The following PKP2 variants were observed in gnomAD, a reference collection of about 807,000 sequenced individuals.
PKP2 encodes the protein plakophilin-2.
A neutral mutation model predicts 83.4 loss-of-function variants in PKP2; 73 were observed. That is an observed-to-expected ratio of 0.88 (90% CI 0.72 to 1.06). PKP2 has a LOEUF of 1.06. PKP2 is among the 50% of genes least tolerant of loss of function. The pLI, the probability that PKP2 is intolerant of heterozygous loss-of-function variation, is 0.00. For synonymous variants in PKP2, 409 were observed against 430.4 expected (o/e 0.95, Z 0.62); for missense variants, 966 against 1,065.4 (o/e 0.91, Z 1.30).
chr12:32,797,168 G>A (rs989928122), intron 10 of PKP2, among the ~76,000 whole-genome samples: 15 of 151,932 alleles, frequency 9.9e-5, no homozygotes, highest in African/African-American at 3.6e-4. Flanking sequence ...GGCCAGGTTC[G>A]GTGGCTCACA....
chr12:32,886,546 G>A (rs779260546), intron 1 of PKP2, among the ~76,000 whole-genome samples: 1 of 152,108 alleles, frequency 6.6e-6, no homozygotes, highest in Non-Finnish European at 1.5e-5. Flanking sequence ...TAAAACATAC[G>A]ATTCATTTCC....
chr12:32,812,153 A>T, intron 9 of PKP2, among the ~76,000 whole-genome samples: 1 of 145,472 alleles, frequency 6.9e-6, no homozygotes, highest in Non-Finnish European at 1.5e-5. Context: ...TGCTGAGTAA[A>T]CTGTGTATTG....
chr12:32,810,933 G>T (rs1956271218), intron 9 of PKP2, among the ~76,000 whole-genome samples: 1 of 6,492 alleles, frequency 1.5e-4, no homozygotes, highest in African/African-American at 2.2e-4. Flanking sequence ...CGCCCGCCTC[G>T]GCCTCCCAAA....
chr12:32,886,936 T>G (rs1169792541), intron 1 of PKP2, among the ~76,000 whole-genome samples: 19 of 151,994 alleles, frequency 1.3e-4, no homozygotes, highest in Admixed American at 1.2e-3. Context: ...GAGACAGAAG[T>G]TGCAGTTAGC....
At chr12:32,876,557 C>G (rs1956934058) in intron 3 of PKP2, among the ~76,000 whole-genome samples, 1 of 151,610 alleles carries the variant, frequency 6.6e-6, no homozygotes, top group Non-Finnish European at 1.5e-5. Context: ...GAGACAAGGT[C>G]TCACTGTGTT....
rs778749586 is a variant in PKP2 at position 32,896,633 on chromosome 12, G to A, written c.99C>T (p.Pro33=). 2 of 1,579,094 alleles carry A rather than the reference G, an allele frequency of 1.3e-6. No homozygotes were observed. Among genetic ancestry groups the A allele is most frequent in the South Asian group, 1.1e-5 (1 of 87,728 alleles). Residue 33 remains proline (P), a synonymous_variant, in exon 1 of 13, where the codon CCC becomes CCT. Transcript: ENST00000340811. ...CCGCCAGCTTCAGCTTGGCCTCGGA[G>A]GGCAGCGCCAGGCTGGAGCTGTCCA... ...GQLDSSSLAL[P]SEAKLKLAGS...
At chr12:32,813,521 T>C (rs1197683866) in intron 9 of PKP2, among the ~76,000 whole-genome samples, 2 of 152,220 alleles carry the variant, frequency 1.3e-5, no homozygotes, top group Non-Finnish European at 2.9e-5. Context: ...GGCTCATGCC[T>C]GTAATTCCAG....
At chr12:32,828,076 A>G (rs1157256670) in intron 6 of PKP2, among the ~76,000 whole-genome samples, 1 of 152,236 alleles carries the variant, frequency 6.6e-6, no homozygotes, top group African/African-American at 2.4e-5. Flanking sequence ...ACTGGTCCCA[A>G]ATGGGAAGAC....
Position 32,877,908 on chromosome 12 carries a change from C to CA in PKP2, c.971_972insT (p.Ala325GlyfsTer11). The CA allele has an allele frequency of 6.2e-7, 1 of 1,614,166 alleles. No homozygotes were observed. The highest frequency in any genetic ancestry group is 8.5e-7 in the Non-Finnish European group (1 of 1,180,008). ...GCAGATTCCCACTTCCCCCTGCGGC[C>CA]GCCTGGCCGACAGTCAAGTGCGCTC... is the stretch of plus-strand genomic sequence containing the variant. On this transcript the variant is annotated frameshift_variant, in exon 3 of 13. Transcript: ENST00000340811. LOFTEE classifies it high-confidence loss of function.
intron 4 of PKP2, among the ~76,000 whole-genome samples, chr12:32,861,768 G>GA (rs1956800151): frequency 1.3e-5 from 2 of 152,200 alleles, no homozygotes; most frequent in Non-Finnish European, 2.9e-5. Flanking sequence ...GTAAGAAAGA[G>GA]AAAATCTTAA....
chr12:32,869,628 A>T (rs1956880814), intron 3 of PKP2, among the ~76,000 whole-genome samples: 1 of 149,896 alleles, frequency 6.7e-6, no homozygotes, highest in African/African-American at 2.5e-5. Context: ...AAAAAAGATA[A>T]ATATGTATCC....
At chr12:32,888,459 C>T (rs1257844043) in intron 1 of PKP2, among the ~76,000 whole-genome samples, 11 of 152,038 alleles carry the variant, frequency 7.2e-5, no homozygotes, top group African/African-American at 1.9e-4. Context: ...CCCCTCCCAA[C>T]TGATTCATAA....
In PKP2 at chr12:32,829,106, AT is replaced by A. The variant is rs527717778; in HGVS notation, c.1557-4945del. ...ATGCACTGCCGAGCCCAGCTAATTT[AT>A]TTTTTGTACAGACAGAGTCTATGTT... On this transcript the variant is annotated intron_variant, in intron 6 of 12. Transcript: ENST00000340811. Among the ~76,000 whole-genome samples the A allele has an allele frequency of 3.9e-3, 587 of 151,940 alleles. 3 individuals are homozygous for A. The highest frequency in any genetic ancestry group is 0.014 in the African/African-American group (565 of 41,418).
chr12:32,853,356 G>T, intron 4 of PKP2, among the ~76,000 whole-genome samples: 1 of 134,404 alleles, frequency 7.4e-6, no homozygotes, highest in Non-Finnish European at 1.6e-5. Flanking sequence ...AAGCATTTTG[G>T]ATAAGTGATA....
intron 6 of PKP2, among the ~76,000 whole-genome samples, chr12:32,830,366 C>T (rs12321916): frequency 0.057 from 8,671 of 152,236 alleles, 285 homozygotes; most frequent in Non-Finnish European, 0.081. Flanking sequence ...AAGAAAAACT[C>T]GATGCCAAAA....
At chr12:32,818,882 A>T (rs1214813703) in intron 9 of PKP2, among the ~76,000 whole-genome samples, 1 of 152,220 alleles carries the variant, frequency 6.6e-6, no homozygotes, top group African/African-American at 2.4e-5. Context: ...GAAATTATAA[A>T]GCCAGAGATC....
rs1034147527 is a variant in PKP2, at chr12:32,878,118, G to A, written c.762C>T (p.Asn254=). The A allele has an allele frequency of 6.2e-7, 1 of 1,614,152 alleles. No individual in the cohort carries two copies. The highest frequency in any genetic ancestry group is 1.1e-5 in the South Asian group (1 of 91,094). The part of the protein sequence containing the change: ...PRPGTSRSMG[N]LLEKENYLTA... Reference sequence around the variant, plus strand: ...TCAGGTAGTTCTCCTTCTCCAAGAGGTTGCCCATGCTGCGGCTGGTCCCTG... The same window carrying A: ...TCAGGTAGTTCTCCTTCTCCAAGAGATTGCCCATGCTGCGGCTGGTCCCTG... Residue 254 remains asparagine (N), a synonymous_variant, in exon 3 of 13, where the codon AAC becomes AAT. Coordinates refer to ENST00000340811, the MANE Select transcript of PKP2 (RefSeq NM_001005242.3).
chr12:32,886,228 G>A (rs1957028945), intron 1 of PKP2, among the ~76,000 whole-genome samples: 1 of 152,142 alleles, frequency 6.6e-6, no homozygotes. Flanking sequence ...CTGTTATTTG[G>A]TCTTTCTACA....
Position 32,871,372 on chromosome 12 carries a change from C to T in PKP2, c.1035-2310G>A, listed in dbSNP as rs934065677. Among the ~76,000 whole-genome samples, 7 of 152,158 alleles carry T rather than the reference C, an allele frequency of 4.6e-5. No homozygotes were observed. In the South Asian group the frequency reaches 1.5e-3, roughly 32 times the overall value. ...GTGCAGTGATGTGATCATAGCTCAC[C>T]ATAACCTCAACCTCCTGGGCTCAAG... is the stretch of plus-strand genomic sequence containing the variant. On this transcript the variant is annotated intron_variant, in intron 3 of 12. Transcript: ENST00000340811.
Sources: allele counts gnomAD v4.1 joint callset (sites outside exome capture counted in the v4.1 genomes callset), GRCh38; gene constraint gnomAD v4.1.1; transcripts MANE v1.5; gene names NCBI Gene and HGNC (gene_info 2026-07-23, HGNC 2026-07-21).